Variants in GRIK4 observed in about 807,000 individuals in gnomAD.
GRIK4 encodes glutamate ionotropic receptor kainate type subunit 4, also known as glutamate receptor ionotropic, kainate 4.
A neutral mutation model predicts 104.9 loss-of-function variants in GRIK4; 40 were observed. That is an observed-to-expected ratio of 0.38 (90% CI 0.30 to 0.50). The LOEUF (loss-of-function observed/expected upper bound fraction) is 0.50. Among genes scored for constraint, GRIK4 ranks in the 20% least tolerant of loss-of-function variants. The pLI is 0.93. For missense variants in GRIK4, 1,047 were observed against 1,308.1 expected, an observed-to-expected ratio of 0.80 and a Z score of 3.08; for synonymous variants, 485 against 524.9, an observed-to-expected ratio of 0.92 and a Z score of 1.04.
chr11:120,687,427 T>G (rs10892614), intron 3 of GRIK4, among the ~76,000 whole-genome samples: 16,292 of 152,254 alleles, frequency 0.11, 919 homozygotes, highest in South Asian at 0.16. Context: ...TTTCATCTAT[T>G]TTTTGTATTT....
chr11:120,760,125 T>C (rs1403293832), intron 3 of GRIK4, among the ~76,000 whole-genome samples: 1 of 151,958 alleles, frequency 6.6e-6, no homozygotes, highest in Non-Finnish European at 1.5e-5. Context: ...CTTAGACTTA[T>C]GTCTCCCTAT....
intron 3 of GRIK4, among the ~76,000 whole-genome samples, chr11:120,727,943 A>G (rs73012318): frequency 0.035 from 5,361 of 152,222 alleles, 126 homozygotes; most frequent in East Asian, 0.093. Flanking sequence ...AAGATAGGCA[A>G]TGAAGATCCA....
In GRIK4 at chr11:120,653,444, G is replaced by A. The variant is rs546754105; in HGVS notation, c.-158-241G>A. Reference sequence around the variant, plus strand: ...ACTTGGAAGCCTCAGCTCTGAGTGCGGTGCTCACAGTGCATCTTTGAGGGC... The same window carrying A: ...ACTTGGAAGCCTCAGCTCTGAGTGCAGTGCTCACAGTGCATCTTTGAGGGC... On this transcript the variant is annotated intron_variant, in intron 1 of 20. Coordinates refer to ENST00000527524, the MANE Select transcript of GRIK4 (RefSeq NM_014619.5). Among the ~76,000 whole-genome samples, 12 of 152,266 alleles carry A rather than the reference G, an allele frequency of 7.9e-5. No individual in the cohort carries two copies. In the East Asian group the frequency reaches 1.5e-3, roughly 20 times the overall value.
chr11:120,519,995 C>T (rs755809802), intron 1 of GRIK4, among the ~76,000 whole-genome samples: 6 of 151,058 alleles, frequency 4.0e-5, no homozygotes, highest in South Asian at 2.1e-4. Context: ...TGGGTTCAAG[C>T]GATTCTACTG....
chr11:120,988,847 G>A lies in GRIK4; in HGVS notation c.*2587G>A, dbSNP rs751909050. 1.3e-5 allele frequency: 2 copies of A among 152,166 alleles called. No individual in the cohort carries two copies. The highest frequency in any genetic ancestry group is 2.9e-5 in the Non-Finnish European group (2 of 68,044). The allele number at this position is 152,166 out of a possible 1,614,324, so 9.4% of individuals were successfully genotyped here. The stretch of plus-strand genomic sequence containing the variant: ...CAGCTGTTTGGGTTTAGAAAGTATG[G>A]TTCAGTGTGTCTAATATCCAGGTAC... On this transcript the variant is annotated 3_prime_UTR_variant, in exon 21 of 21. Coordinates refer to ENST00000527524, the MANE Select transcript of GRIK4 (RefSeq NM_014619.5).
intron 6 of GRIK4, among the ~76,000 whole-genome samples, chr11:120,824,020 T>G (rs1320782358): frequency 6.6e-6 from 1 of 152,218 alleles, no homozygotes; most frequent in Non-Finnish European, 1.5e-5. Context: ...GAGACACTCT[T>G]CCATCTTCCT....
At chr11:120,826,990 CTA>C (rs2135555644) in intron 6 of GRIK4, among the ~76,000 whole-genome samples, 1 of 152,236 alleles carries the variant, frequency 6.6e-6, no homozygotes, top group East Asian at 1.9e-4. Flanking sequence ...GTTTAGGACA[CTA>C]TGTGCCATAT....
intron 7 of GRIK4, among the ~76,000 whole-genome samples, chr11:120,834,999 A>G (rs1345506239): frequency 6.6e-6 from 1 of 152,190 alleles, no homozygotes; most frequent in Non-Finnish European, 1.5e-5. Context: ...GTGTGTGTGC[A>G]GTGGGGCGTA....
intron 8 of GRIK4, chr11:120,858,987 G>C (rs886488674): frequency 1.3e-5 from 2 of 152,288 alleles, no homozygotes; most frequent in South Asian, 4.1e-4. Context: ...GAAGCTTCTG[G>C]AATCTTTTTA....
intron 8 of GRIK4, among the ~76,000 whole-genome samples, chr11:120,842,593 A>G (rs1395752431): frequency 6.6e-6 from 1 of 152,264 alleles, no homozygotes; most frequent in Non-Finnish European, 1.5e-5. Context: ...TTGTCTTTTT[A>G]GAGGATAACT....
intron 3 of GRIK4, among the ~76,000 whole-genome samples, chr11:120,796,877 G>C (rs1194014904): frequency 6.6e-6 from 1 of 152,002 alleles, no homozygotes; most frequent in African/African-American, 2.4e-5. Flanking sequence ...GGGTGAGCTG[G>C]AAGGCGCTGC....
intron 10 of GRIK4, 23 bp from the exon 11 acceptor site, chr11:120,875,116 G>C: frequency 6.8e-7 from 1 of 1,478,036 alleles, no homozygotes; most frequent in Non-Finnish European, 9.5e-7. Flanking sequence ...GTTTGGTGCT[G>C]TAACTCACTC....
intron 14 of GRIK4, among the ~76,000 whole-genome samples, chr11:120,948,306 C>G (rs145591561): frequency 1.1e-3 from 163 of 152,212 alleles, no homozygotes; most frequent in Middle Eastern, 3.4e-3. Flanking sequence ...TATGAAGGAC[C>G]CTTTGTCCTT....
intron 1 of GRIK4, among the ~76,000 whole-genome samples, chr11:120,649,851 C>A (rs1475938327): frequency 2.0e-5 from 3 of 152,254 alleles, no homozygotes; most frequent in Non-Finnish European, 4.4e-5. Flanking sequence ...TTGGTCTTCT[C>A]TCCTGCTCAT....
intron 3 of GRIK4, among the ~76,000 whole-genome samples, chr11:120,668,139 ATAGATAGATAAGTAGG>A (rs1268946544): frequency 6.7e-6 from 1 of 150,226 alleles, no homozygotes; most frequent in African/African-American, 2.5e-5. Context: ...AGATAGATAG[ATAGATAGATAAGTAGG>A]TAGATAAGTA....
intron 1 of GRIK4, among the ~76,000 whole-genome samples, chr11:120,637,294 A>G (rs1949410620): frequency 6.6e-6 from 1 of 152,164 alleles, no homozygotes; most frequent in African/African-American, 2.4e-5. Context: ...ACACAGTGGA[A>G]GCAGGAACAT....
intron 1 of GRIK4, among the ~76,000 whole-genome samples, chr11:120,563,367 T>C (rs1053315219): frequency 1.3e-5 from 2 of 152,068 alleles, no homozygotes; most frequent in African/African-American, 4.8e-5. Context: ...GAACAACTTC[T>C]GGGGCCTGGA....
intron 9 of GRIK4, chr11:120,870,974 T>C (rs2135668569): frequency 6.5e-6 from 1 of 152,722 alleles, no homozygotes; most frequent in Middle Eastern, 3.4e-3. Context: ...CTCGAACCTC[T>C]GACCTCAAAG....
chr11:120,877,121 G>A lies in GRIK4; in HGVS notation c.1164+1878G>A, dbSNP rs889410397. Among the ~76,000 whole-genome samples, 3 of 152,326 alleles carry A rather than the reference G, an allele frequency of 2.0e-5. No homozygotes were observed. In the East Asian group the frequency reaches 5.8e-4, roughly 29 times the overall value. ...AGTCCTGCTGCTGACTCTCAGAAAG[G>A]CCTCGTATCTCTGGGGCAGAGCTGC... On this transcript the variant is annotated intron_variant, in intron 11 of 20. Transcript: ENST00000527524.
Sources: gnomAD v4.1 joint callset for allele counts (sites outside exome capture counted in the v4.1 genomes callset) on GRCh38, gnomAD v4.1.1 for gene constraint, MANE v1.5 for transcripts, NCBI Gene and HGNC (gene_info 2026-07-23, HGNC 2026-07-21) for gene names.